Variants in XPNPEP1 observed in about 807,000 individuals in gnomAD.
XPNPEP1 encodes the protein X-prolyl aminopeptidase 1, also known as xaa-Pro aminopeptidase 1.
In XPNPEP1, 39 loss-of-function variants were observed where a neutral mutation model predicts 92.4. The observed-to-expected ratio is 0.42, with a 90% confidence interval of 0.33 to 0.55. The LOEUF (loss-of-function observed/expected upper bound fraction) is 0.55. Ranked by LOEUF, XPNPEP1 falls within the 20% of genes least tolerant of loss-of-function variation. The pLI is 0.08. For missense variants in XPNPEP1, 654 were observed against 856.1 expected (o/e 0.76, Z 2.95); for synonymous variants, 307 against 299.4 (o/e 1.03, Z -0.26).
At chr10:109,888,482 A>C in intron 6 of XPNPEP1, 21 bp downstream of exon 6, 2 of 1,594,136 alleles carry the variant, frequency 1.3e-6, no homozygotes, top group Non-Finnish European at 1.7e-6. Flanking sequence ...ACCCAAGCAG[A>C]AAGGGACCAA....
At chr10:109,890,089 C>T (rs1355419827) in intron 5 of XPNPEP1, among the ~76,000 whole-genome samples, 1 of 152,080 alleles carries the variant, frequency 6.6e-6, no homozygotes, top group Admixed American at 6.5e-5. Flanking sequence ...ACCAAACCCA[C>T]CAGAATCTCC....
At chr10:109,897,308 A>G (rs1276106802) in intron 3 of XPNPEP1, among the ~76,000 whole-genome samples, 1 of 152,050 alleles carries the variant, frequency 6.6e-6, no homozygotes, top group East Asian at 1.9e-4. Context: ...AATCTGGTTC[A>G]AGTGCTCCCT....
At chr10:109,880,102 A>C in intron 12 of XPNPEP1, 86 bp downstream of exon 12, 2 of 1,360,208 alleles carry the variant, frequency 1.5e-6, no homozygotes, top group Non-Finnish European at 2.1e-6. Context: ...TGGTCAGCAG[A>C]GCATGGGAGA....
At chr10:109,875,658 G>C (rs993970315) in intron 14 of XPNPEP1, 59 bp from the exon 15 acceptor site, 2 of 1,485,880 alleles carry the variant, frequency 1.3e-6, no homozygotes, top group Non-Finnish European at 1.9e-6. Context: ...GTGAATCTGG[G>C]AGGAGGACAC....
intron 3 of XPNPEP1, among the ~76,000 whole-genome samples, chr10:109,894,971 C>T (rs1209335285): frequency 6.6e-6 from 1 of 152,124 alleles, no homozygotes; most frequent in Admixed American, 6.5e-5. Flanking sequence ...GGAAGGGTGG[C>T]CCACACATCT....
chr10:109,888,629 C>T (rs780579780), intron 5 of XPNPEP1, 34 bp from the exon 6 acceptor site: 1 of 1,534,662 alleles, frequency 6.5e-7, no homozygotes, highest in Admixed American at 1.9e-5. Flanking sequence ...AAACAATTCC[C>T]AGTGGGCCCA....
At chr10:109,909,272 A>G (rs1191846180) in intron 2 of XPNPEP1, among the ~76,000 whole-genome samples, 1 of 151,324 alleles carries the variant, frequency 6.6e-6, no homozygotes, top group Admixed American at 6.6e-5. Flanking sequence ...CTCTGTCTCA[A>G]AAAAATAAAT....
chr10:109,894,460 G>A (rs1233042814), intron 3 of XPNPEP1, among the ~76,000 whole-genome samples: 1 of 151,814 alleles, frequency 6.6e-6, no homozygotes, highest in Non-Finnish European at 1.5e-5. Context: ...GAGCCCGGGA[G>A]GTTGAGGCTG....
intron 2 of XPNPEP1, among the ~76,000 whole-genome samples, chr10:109,909,097 C>T (rs555391339): frequency 6.6e-6 from 1 of 152,138 alleles, no homozygotes; most frequent in Admixed American, 6.5e-5. Flanking sequence ...GGTGAAGCCC[C>T]GTCTCTACTA....
At chr10:109,880,036 T>A in intron 12 of XPNPEP1, 152 bp downstream of exon 12, 2 of 633,436 alleles carry the variant, frequency 3.2e-6, no homozygotes. Flanking sequence ...ACACCAAATT[T>A]CCAGAGAGAA....
chr10:109,917,930 T>C (rs951197500), intron 1 of XPNPEP1, among the ~76,000 whole-genome samples: 7 of 152,142 alleles, frequency 4.6e-5, no homozygotes, highest in Non-Finnish European at 7.4e-5. Flanking sequence ...GTTTCCAACA[T>C]GGCAAAACTC....
chr10:109,866,198 G>C (rs1847134241), intron 20 of XPNPEP1, among the ~76,000 whole-genome samples: 1 of 152,228 alleles, frequency 6.6e-6, no homozygotes, highest in African/African-American at 2.4e-5. Context: ...CGATGTTACA[G>C]AAGTACTGCT....
In XPNPEP1 at chr10:109,884,196, A is replaced by C. The variant is rs762207249; in HGVS notation, c.749-48T>G. 5.7e-6 allele frequency: 9 copies of C among 1,588,278 alleles called. No homozygotes were observed. The East Asian group carries it at 1.8e-4, about 32-fold the overall frequency. Reference sequence around the variant, plus strand: ...TGTCACCTGTCTGACTTAAGATGTTAAGGGGTCGCTTGTAGCGGGAGGGAA... The same window carrying C: ...TGTCACCTGTCTGACTTAAGATGTTCAGGGGTCGCTTGTAGCGGGAGGGAA... On this transcript the variant is annotated intron_variant, in intron 8 of 20. Transcript: ENST00000502935.
intron 3 of XPNPEP1, among the ~76,000 whole-genome samples, chr10:109,902,310 T>C (rs569514512): frequency 9.2e-5 from 14 of 152,378 alleles, no homozygotes; most frequent in South Asian, 2.1e-4. Context: ...ATCCTAACAA[T>C]AGCCCATGCG....
intron 12 of XPNPEP1, chr10:109,878,304 C>T (rs1847892767): frequency 4.5e-6 from 2 of 440,928 alleles, no homozygotes; most frequent in Non-Finnish European, 8.1e-6. Flanking sequence ...TATCCTAAAA[C>T]CTCCCAAAAC....
At chr10:109,891,028 C>T (rs1848677780) in intron 5 of XPNPEP1, among the ~76,000 whole-genome samples, 3 of 152,216 alleles carry the variant, frequency 2.0e-5, no homozygotes, top group Admixed American at 2.0e-4. Context: ...TTTGTACAGT[C>T]CCTAAAACCG....
At chr10:109,884,249 C>T (rs1424809263) in intron 8 of XPNPEP1, 101 bp from the exon 9 acceptor site, 28 of 1,133,676 alleles carry the variant, frequency 2.5e-5, no homozygotes, top group South Asian at 4.2e-5. Context: ...CCAGCTGCTG[C>T]GCAAGGATTC....
In XPNPEP1 at chr10:109,882,452, C is replaced by T. The variant is rs769796749; in HGVS notation, c.1021G>A (p.Val341Met). Residue 341 changes from valine to methionine, a missense_variant, in exon 10 of 21, where the codon GTG (valine) becomes ATG (methionine). By Grantham distance (21) the Val-to-Met change is conservative. Transcript: ENST00000502935. ...CCAACCTTGGGGATGGTCTCGCTCA[C>T]AGCATAGCTGGCCTTGTCACTGACC... ...VWVSDKASYA[V>M]SETIPKDHRC... is the part of the protein sequence containing the mutation. 1 of 1,613,904 alleles carries T rather than the reference C, an allele frequency of 6.2e-7. No homozygotes were observed. Among genetic ancestry groups the T allele is most frequent in the South Asian group, 1.1e-5 (1 of 91,080 alleles).
rs754210265 is a variant in XPNPEP1, at chr10:109,868,702, T to C, written c.1784A>G (p.Asn595Ser). ...TTCAAAGGTCAGGCTTCCCCGGTTATTAAAATTATACTGCGGGAGAAAGAA... is the reference window on the plus strand; with the variant it reads ...TTCAAAGGTCAGGCTTCCCCGGTTACTAAAATTATACTGCGGGAGAAAGAA... The part of the protein sequence containing the change: ...VVPVKTKYNF[N>S]NRGSLTFEPL... Residue 595 changes from asparagine to serine, a missense_variant, in exon 20 of 21, where the codon AAT becomes AGT. By Grantham distance (46) the Asn-to-Ser change is conservative. Transcript: ENST00000502935. 3 of 1,613,944 alleles carry C rather than the reference T, an allele frequency of 1.9e-6. No homozygotes were observed. The highest frequency in any genetic ancestry group is 1.1e-5 in the South Asian group (1 of 91,070).
Sources: gnomAD v4.1 joint callset for allele counts (sites outside exome capture counted in the v4.1 genomes callset) on GRCh38, gnomAD v4.1.1 for gene constraint, MANE v1.5 for transcripts, NCBI Gene and HGNC (gene_info 2026-07-23, HGNC 2026-07-21) for gene names.